Variants in PPWD1 observed in about 807,000 individuals in gnomAD.
PPWD1 encodes the protein peptidylprolyl isomerase domain and WD repeat containing 1.
Under a neutral mutation model 68.8 loss-of-function variants are expected in PPWD1, and 43 were observed. That is an observed-to-expected ratio of 0.62 (90% CI 0.49 to 0.81). The LOEUF (loss-of-function observed/expected upper bound fraction) is 0.81, where lower values mean the gene tolerates loss of function less well. Ranked by LOEUF, PPWD1 falls within the 30% of genes least tolerant of loss-of-function variation. The probability of loss-of-function intolerance (pLI) is 0.00; values close to 1 mark genes in which losing one functional copy is unlikely to be tolerated. For missense variants in PPWD1, 672 were observed against 804.8 expected, an observed-to-expected ratio of 0.83 and a Z score of 2.00; for synonymous variants, 232 against 258.7, an observed-to-expected ratio of 0.90 and a Z score of 0.99.
chr5:65,581,097 G>A (rs1753575396), intron 7 of PPWD1, among the ~76,000 whole-genome samples: 1 of 152,066 alleles, frequency 6.6e-6, no homozygotes, highest in South Asian at 2.1e-4. Context: ...AAGGTTAACA[G>A]CATTTGATAA....
At position 65,567,581 on chromosome 5, in the gene PPWD1, C is replaced by A; in HGVS notation, c.265C>A (p.His89Asn). ...ATCCATGTATGAGCGCAGTTACATG[C>A]ATAGAGATGTTATCACCCATGTGGT... ...SASMYERSYM[H>N]RDVITHVVCT... The change falls in exon 2 of 11, where the codon CAT (histidine) becomes AAT (asparagine). Residue 89 changes from histidine to asparagine, a missense_variant. By Grantham distance (68) the His-to-Asn change is moderately conservative (BLOSUM62 1). Coordinates refer to ENST00000261308, the MANE Select transcript of PPWD1 (RefSeq NM_015342.4). 6.2e-7 allele frequency: 1 copy of A among 1,610,880 alleles called. No individual in the cohort carries two copies. The highest frequency in any genetic ancestry group is 8.5e-7 in the Non-Finnish European group (1 of 1,178,502).
rs567243284 is a variant in PPWD1, at chr5:65,585,959, G to A, written c.1615-40G>A. 17 of 1,597,148 alleles carry A rather than the reference G, an allele frequency of 1.1e-5. No individual in the cohort carries two copies. The East Asian group carries it at 1.1e-4, about 11-fold the overall frequency. On this transcript the variant is annotated intron_variant, in intron 9 of 10. Coordinates refer to ENST00000261308, the MANE Select transcript of PPWD1 (RefSeq NM_015342.4). ...TAAAACTTCAAAGCGTACATATATC[G>A]AAAAGGACAATGTAATGTTTTTGTG...
At chr5:65,577,458 A>T (rs1449973528) in intron 6 of PPWD1, among the ~76,000 whole-genome samples, 1 of 152,234 alleles carries the variant, frequency 6.6e-6, no homozygotes, top group African/African-American at 2.4e-5. Flanking sequence ...AAATGCATGA[A>T]ACCACAGTAA....
chr5:65,577,722 A>G (rs1581159559), intron 6 of PPWD1, among the ~76,000 whole-genome samples: 3 of 152,318 alleles, frequency 2.0e-5, no homozygotes, highest in East Asian at 3.9e-4. Flanking sequence ...ATTGTTTTTA[A>G]TAGACCTTAC....
chr5:65,568,884 C>A (rs1752886753), intron 2 of PPWD1: 1 of 455,282 alleles, frequency 2.2e-6, no homozygotes, highest in Non-Finnish European at 4.4e-6. Flanking sequence ...TCACTCTCTT[C>A]TCAAATATTT....
intron 6 of PPWD1, among the ~76,000 whole-genome samples, chr5:65,577,808 C>T (rs1753371221): frequency 1.3e-5 from 2 of 152,210 alleles, no homozygotes; most frequent in Admixed American, 1.3e-4. Flanking sequence ...TCTGCCCCAA[C>T]ACATGCATAG....
intron 6 of PPWD1, among the ~76,000 whole-genome samples, chr5:65,577,279 G>C (rs1402832524): frequency 6.6e-6 from 1 of 152,146 alleles, no homozygotes. Context: ...GTTTGTAAAA[G>C]AAATGGAAAG....
intron 8 of PPWD1, among the ~76,000 whole-genome samples, chr5:65,583,946 T>C (rs931404174): frequency 3.3e-5 from 5 of 152,112 alleles, no homozygotes; most frequent in African/African-American, 7.2e-5. Context: ...AGTGAGACCC[T>C]GTTTCTACAA....
At chr5:65,584,837 C>T (rs1753751707) in intron 8 of PPWD1, 177 bp from the exon 9 acceptor site, 1 of 486,040 alleles carries the variant, frequency 2.1e-6, no homozygotes, top group Non-Finnish European at 2.7e-6. Flanking sequence ...GAATATACTA[C>T]TTACATGACC....
At chr5:65,579,349 C>A in intron 6 of PPWD1, 75 bp from the exon 7 acceptor site, 2 of 1,381,958 alleles carry the variant, frequency 1.4e-6, no homozygotes, top group Non-Finnish European at 1.9e-6. Flanking sequence ...TGATTCCCAG[C>A]TTTTATCTGT....
chr5:65,565,807 CAAAAAAAAAAA>C, intron 1 of PPWD1, among the ~76,000 whole-genome samples: 1 of 103,344 alleles, frequency 9.7e-6, no homozygotes, highest in African/African-American at 3.7e-5. Context: ...GACTCCGTCT[CAAAAAAAAAAA>C]AAAAAAAAGC....
chr5:65,565,878 T>C (rs2150588767), intron 1 of PPWD1, among the ~76,000 whole-genome samples: 1 of 150,822 alleles, frequency 6.6e-6, no homozygotes, highest in South Asian at 2.1e-4. Flanking sequence ...AAAACATACA[T>C]AGAATGTTAC....
At chr5:65,569,130 AT>A in intron 2 of PPWD1, 2 of 404,144 alleles carry the variant, frequency 4.9e-6, no homozygotes, top group South Asian at 3.7e-5. Context: ...AATGATTTCT[AT>A]TTTTACATAC....
rs1271116972 is a variant in PPWD1, at chr5:65,563,336, T to C, written c.26T>C (p.Phe9Ser). 3.1e-6 allele frequency: 5 copies of C among 1,613,700 alleles called. No individual in the cohort carries two copies. The highest frequency in any genetic ancestry group is 3.4e-6 in the Non-Finnish European group (4 of 1,179,888). Residue 9 changes from phenylalanine (F) to serine (S), a missense_variant, in exon 1 of 11, where the codon TTT (phenylalanine) becomes TCT (serine). Physicochemically the swap from Phe to Ser is radical, Grantham distance 155. Coordinates refer to ENST00000261308, the MANE Select transcript of PPWD1 (RefSeq NM_015342.4). Reference protein sequence around the residue: MAAESGSDFQQRRRRRRDP... With the variant: MAAESGSDSQQRRRRRRDP... ...ATGGCGGCGGAAAGTGGTAGCGATTTTCAGCAGAGACGTAGAAGGCGCCGG... is the reference window on the plus strand; with the variant it reads ...ATGGCGGCGGAAAGTGGTAGCGATTCTCAGCAGAGACGTAGAAGGCGCCGG...
Position 65,573,470 on chromosome 5 carries a change from T to G in PPWD1, c.969+1184T>G, listed in dbSNP as rs569651032. Among the ~76,000 whole-genome samples the G allele has an allele frequency of 5.2e-3, 356 of 68,540 alleles. 8 individuals are homozygous for G. Among genetic ancestry groups the G allele is most frequent in the African/African-American group, 0.023 (325 of 14,166 alleles). 45.0% of individuals were successfully genotyped at this position (68,540 alleles called of 152,430 possible). The stretch of plus-strand genomic sequence containing the variant: ...ACCACACTTAGCTAATATATATATA[T>G]ATATATTTTTTTTTTATTAGAGATG... On this transcript the variant is annotated intron_variant, in intron 5 of 10. Transcript: ENST00000261308.
chr5:65,565,525 C>T (rs1752709107), intron 1 of PPWD1, among the ~76,000 whole-genome samples: 2 of 151,806 alleles, frequency 1.3e-5, no homozygotes, highest in South Asian at 2.1e-4. Context: ...AATAGTTGGC[C>T]GGGTGTGGTG....
chr5:65,587,388 G>T lies in PPWD1; in HGVS notation c.1933G>T (p.Val645Phe), dbSNP rs2150613421. 1 of 1,602,670 alleles carries T rather than the reference G, an allele frequency of 6.2e-7. No individual in the cohort carries two copies. The highest frequency in any genetic ancestry group is 2.2e-5 in the East Asian group (1 of 44,724). The change falls in exon 11 of 11, where the codon GTC becomes TTC. Residue 645 changes from valine (V) to phenylalanine (F), a missense_variant. This residue lies in a region of PPWD1 where 484 missense variants were observed against 646.2 expected (regional missense o/e 0.75). Coordinates refer to ENST00000261308, the MANE Select transcript of PPWD1 (RefSeq NM_015342.4). ...GGATGTCAGCATCATAAATATTACT[G>T]TCAAGTAAAATAAGATTTGTTTTAA... ...YEDVSIINIT[V>F]K
intron 1 of PPWD1, among the ~76,000 whole-genome samples, chr5:65,565,251 T>A (rs1752696223): frequency 6.6e-6 from 1 of 152,234 alleles, no homozygotes; most frequent in African/African-American, 2.4e-5. Flanking sequence ...TTGCTTGGTG[T>A]ACAGTGCTTT....
intron 7 of PPWD1, among the ~76,000 whole-genome samples, chr5:65,580,955 C>T (rs1175795386): frequency 2.0e-5 from 3 of 152,164 alleles, no homozygotes; most frequent in Non-Finnish European, 2.9e-5. Context: ...TGCTCTTCTT[C>T]TGAAGATAAA....
Sources: gnomAD v4.1 joint callset for allele counts (sites outside exome capture counted in the v4.1 genomes callset) on GRCh38, gnomAD v4.1.1 for gene constraint, gnomAD v4.1.1 regional missense constraint, MANE v1.5 for transcripts, NCBI Gene and HGNC (gene_info 2026-07-23, HGNC 2026-07-21) for gene names.